LDLRAD4: variants seen among roughly 807,000 people sequenced by gnomAD.
LDLRAD4 encodes low density lipoprotein receptor class A domain containing 4.
In LDLRAD4, 5 loss-of-function variants were observed where a neutral mutation model predicts 17.0. That is an observed-to-expected ratio of 0.29 (90% confidence interval 0.15 to 0.62). The LOEUF (loss-of-function observed/expected upper bound fraction) is 0.62. Ranked by LOEUF, LDLRAD4 falls within the 20% of genes least tolerant of loss-of-function variation. The pLI is 0.84. For synonymous variants in LDLRAD4, 168 were observed against 171.8 expected, an observed-to-expected ratio of 0.98 and a Z score of 0.17; for missense variants, 340 against 424.7, an observed-to-expected ratio of 0.80 and a Z score of 1.75.
At position 13,577,363 on chromosome 18, in the gene LDLRAD4, C is replaced by T. The variant is rs575885298; in HGVS notation, c.182-43754C>T. 9.9e-5 allele frequency among the ~76,000 whole-genome samples: 15 copies of T among 152,206 alleles called. No individual in the cohort carries two copies. The South Asian group carries it at 2.9e-3, about 30-fold the overall frequency. On this transcript the variant is annotated intron_variant, in intron 3 of 5. Coordinates refer to ENST00000359446, the Ensembl canonical transcript of LDLRAD4. ...GGATTGAGGACCCTGCAGCGGCAGT[C>T]CTGAGTCTCCAAGCGCGGCTGTGTT... is the stretch of plus-strand genomic sequence containing the variant.
intron 3 of LDLRAD4, chr18:13,515,718 C>A (rs536100839): frequency 5.1e-4 from 78 of 152,332 alleles, no homozygotes; most frequent in African/African-American, 1.8e-3. Flanking sequence ...TGAAACATTT[C>A]TAAATTATAT....
chr18:13,564,522 C>T (rs118026882), intron 3 of LDLRAD4, among the ~76,000 whole-genome samples: 1 of 146,522 alleles, frequency 6.8e-6, no homozygotes, highest in East Asian at 2.0e-4. Context: ...CTCACCTGCT[C>T]TCCTTGGTTT....
intron 3 of LDLRAD4, chr18:13,521,795 GA>G (rs1221480477): frequency 1.3e-5 from 2 of 150,996 alleles, no homozygotes; most frequent in Non-Finnish European, 2.9e-5. Context: ...GAGATATATG[GA>G]AAAATAAGGA....
At chr18:13,522,074 T>A (rs2093961313) in intron 3 of LDLRAD4, 1 of 152,122 alleles carries the variant, frequency 6.6e-6, no homozygotes, top group Non-Finnish European at 1.5e-5. Context: ...TATCATTTTT[T>A]TCCCCTAAAG....
intron 1 of LDLRAD4, among the ~76,000 whole-genome samples, chr18:13,317,067 A>G (rs1182557968): frequency 1.3e-5 from 2 of 152,162 alleles, no homozygotes; most frequent in African/African-American, 4.8e-5. Context: ...TAGTGAAAGG[A>G]GGGAGAAGGA....
intron 1 of LDLRAD4, among the ~76,000 whole-genome samples, chr18:13,251,606 A>T (rs1250884282): frequency 6.6e-6 from 1 of 152,238 alleles, no homozygotes; most frequent in Non-Finnish European, 1.5e-5. Flanking sequence ...TCAAGATGAC[A>T]ATTCCATTTG....
At chr18:13,430,332 A>G (rs2090245967) in intron 2 of LDLRAD4, among the ~76,000 whole-genome samples, 1 of 152,230 alleles carries the variant, frequency 6.6e-6, no homozygotes. Context: ...CTTTCTCTGC[A>G]GAGCAAAATC....
intron 2 of LDLRAD4, among the ~76,000 whole-genome samples, chr18:13,407,009 A>G (rs2087826572): frequency 6.6e-6 from 1 of 152,114 alleles, no homozygotes. Flanking sequence ...CTGCCCTTTC[A>G]TATGTGCGAT....
chr18:13,389,984 T>G (rs2086143051), intron 2 of LDLRAD4, among the ~76,000 whole-genome samples: 1 of 134,972 alleles, frequency 7.4e-6, no homozygotes, highest in Non-Finnish European at 1.6e-5. Context: ...CCAGCTCACG[T>G]TTTTTTTTAT....
chr18:13,641,638 A>G, intron 4 of LDLRAD4: 2 of 427,952 alleles, frequency 4.7e-6, no homozygotes, highest in Non-Finnish European at 6.2e-6. Context: ...GGGGTGAGGG[A>G]GAGAGGCGGC....
At chr18:13,506,771 G>T (rs2093700657) in intron 3 of LDLRAD4, among the ~76,000 whole-genome samples, 1 of 152,210 alleles carries the variant, frequency 6.6e-6, no homozygotes, top group African/African-American at 2.4e-5. Context: ...GGCTAATGCA[G>T]CTGGTGACTT....
At chr18:13,408,087 A>T (rs191881832) in intron 2 of LDLRAD4, among the ~76,000 whole-genome samples, 49 of 152,310 alleles carry the variant, frequency 3.2e-4, no homozygotes, top group Non-Finnish European at 3.1e-4. Flanking sequence ...TATATGAAAT[A>T]TGAAGTCCAG....
At chr18:13,376,522 A>G (rs1170372719) in intron 1 of LDLRAD4, among the ~76,000 whole-genome samples, 1 of 152,176 alleles carries the variant, frequency 6.6e-6, no homozygotes, top group African/African-American at 2.4e-5. Flanking sequence ...CGGTGGACAT[A>G]TAAGACAGAC....
At chr18:13,252,906 T>G (rs1473127148) in intron 1 of LDLRAD4, among the ~76,000 whole-genome samples, 1 of 152,198 alleles carries the variant, frequency 6.6e-6, no homozygotes, top group Non-Finnish European at 1.5e-5. Flanking sequence ...TGCTTCTCTT[T>G]GTGTCTTGTT....
intron 1 of LDLRAD4, among the ~76,000 whole-genome samples, chr18:13,232,430 C>T (rs1408573508): frequency 1.3e-5 from 2 of 152,218 alleles, no homozygotes; most frequent in Non-Finnish European, 2.9e-5. Context: ...GACTTCAGTT[C>T]TGTTTCTCCC....
At chr18:13,287,951 G>A (rs548195830) in intron 1 of LDLRAD4, among the ~76,000 whole-genome samples, 1 of 152,178 alleles carries the variant, frequency 6.6e-6, no homozygotes, top group Non-Finnish European at 1.5e-5. Flanking sequence ...TAGTAATTTG[G>A]GTGTTTAGGT....
intron 3 of LDLRAD4, among the ~76,000 whole-genome samples, chr18:13,546,351 A>C (rs1427634607): frequency 6.6e-6 from 1 of 150,942 alleles, no homozygotes; most frequent in Non-Finnish European, 1.5e-5. Flanking sequence ...TAAAAGATTG[A>C]AGATGGCCTC....
rs10706515 is a variant in LDLRAD4, at chr18:13,342,477, CTTTTTTTTTTT to C, written c.-382-44849_-382-44839del. ...GTCTGTGGTTCCTGGGCCTTCCTGTCTTTTTTTTTTTTTTTTTTTTTTTTTGAGATGGACTT... is the reference window on the plus strand; with the variant it reads ...GTCTGTGGTTCCTGGGCCTTCCTGTCTTTTTTTTTTTTTTGAGATGGACTT... On this transcript the variant is annotated intron_variant, in intron 1 of 5. Coordinates refer to ENST00000359446, the Ensembl canonical transcript of LDLRAD4. Among the ~76,000 whole-genome samples the C allele has an allele frequency of 8.8e-4, 34 of 38,674 alleles. 1 individual carries two copies. The highest frequency in any genetic ancestry group is 2.1e-3 in the African/African-American group (21 of 9,974). 25.4% of individuals were successfully genotyped at this position (38,674 alleles called of 152,430 possible). A position where few individuals can be genotyped will look rare whatever the true frequency, so the allele number is the denominator to read the frequency against.
At chr18:13,319,132 T>A (rs1398535825) in intron 1 of LDLRAD4, among the ~76,000 whole-genome samples, 1 of 152,242 alleles carries the variant, frequency 6.6e-6, no homozygotes, top group Non-Finnish European at 1.5e-5. Context: ...TTTATACCTA[T>A]TAAATACTTC....
Sources: gnomAD v4.1 joint callset for allele counts (sites outside exome capture counted in the v4.1 genomes callset) on GRCh38, gnomAD v4.1.1 for gene constraint, MANE v1.5 for transcripts, NCBI Gene and HGNC (gene_info 2026-07-23, HGNC 2026-07-21) for gene names.